The following GRIN2B variants were observed in gnomAD, a reference collection of about 807,000 sequenced individuals.
GRIN2B encodes the protein glutamate ionotropic receptor NMDA type subunit 2B, also known as glutamate receptor ionotropic, NMDA 2B.
A neutral mutation model predicts 114.5 loss-of-function variants in GRIN2B; 5 were observed. That is an observed-to-expected ratio of 0.04 (90% CI 0.02 to 0.09). GRIN2B has a LOEUF of 0.09. GRIN2B is among the 10% of genes least tolerant of loss of function. The pLI is 1.00. For missense variants in GRIN2B, 1,108 were observed against 1,943.5 expected (o/e 0.57, Z 8.08); for synonymous variants, 787 against 745.1 (o/e 1.06, Z -0.92).
intron 3 of GRIN2B, among the ~76,000 whole-genome samples, chr12:13,754,919 A>G (rs1298919014): frequency 6.6e-6 from 1 of 152,170 alleles, no homozygotes; most frequent in East Asian, 1.9e-4. Context: ...CTGTTCTGAG[A>G]TATCAAGTCC....
chr12:13,757,043 T>C (rs764476690), intron 3 of GRIN2B, among the ~76,000 whole-genome samples: 9 of 152,184 alleles, frequency 5.9e-5, no homozygotes, highest in Non-Finnish European at 1.2e-4. Context: ...TACCTTCTAG[T>C]TCTACTGTCC....
At chr12:13,667,843 A>C (rs1479271818) in intron 5 of GRIN2B, among the ~76,000 whole-genome samples, 1 of 152,192 alleles carries the variant, frequency 6.6e-6, no homozygotes, top group Non-Finnish European at 1.5e-5. Flanking sequence ...AGGTGCAGAT[A>C]TGGGTAAATT....
chr12:13,705,099 T>A (rs1361507026), intron 4 of GRIN2B, among the ~76,000 whole-genome samples: 1 of 152,128 alleles, frequency 6.6e-6, no homozygotes, highest in Non-Finnish European at 1.5e-5. Flanking sequence ...AATGATTTGC[T>A]GTGCATACTC....
chr12:13,564,073 C>G lies in GRIN2B; in HGVS notation c.3165G>C (p.Leu1055Phe), dbSNP rs771609944. The change falls in exon 14 of 14, where the codon TTG (leucine) becomes TTC (phenylalanine). Residue 1055 changes from leucine to phenylalanine, a missense_variant. Physicochemically the swap from Leu to Phe is conservative, Grantham distance 22 (BLOSUM62 0). Coordinates refer to ENST00000609686, the MANE Select transcript of GRIN2B (RefSeq NM_000834.5). This position sits in a 1 kb window ranked among gnomAD's most constrained non-coding sequence, Gnocchi z 4.8. ...KSDRYSGHDD[L>F]IRSDVSDIST... ...AGATGTCAGAGACATCGGAGCGGAT[C>G]AAGTCGTCGTGGCCACTGTAGCGGT... 4 of 1,614,200 alleles carry G rather than the reference C, an allele frequency of 2.5e-6. No individual in the cohort carries two copies. The highest frequency in any genetic ancestry group is 3.4e-6 in the Non-Finnish European group (4 of 1,180,032).
chr12:13,651,394 A>G (rs1240219634), intron 5 of GRIN2B, among the ~76,000 whole-genome samples: 1 of 152,108 alleles, frequency 6.6e-6, no homozygotes, highest in Non-Finnish European at 1.5e-5. Context: ...GAATCTAGAA[A>G]GAAGTTTAAT....
intron 2 of GRIN2B, among the ~76,000 whole-genome samples, chr12:13,887,955 G>A (rs549777946): frequency 3.3e-4 from 51 of 152,296 alleles, no homozygotes; most frequent in African/African-American, 1.2e-3. Flanking sequence ...CAGGACTGAC[G>A]CAGTGCACAG....
intron 2 of GRIN2B, among the ~76,000 whole-genome samples, chr12:13,876,649 C>G (rs1363016086): frequency 6.6e-6 from 1 of 152,210 alleles, no homozygotes; most frequent in Non-Finnish European, 1.5e-5. Context: ...TATCATATTA[C>G]TGACATCAGA....
At chr12:13,591,262 T>C (rs1179389145) in intron 10 of GRIN2B, among the ~76,000 whole-genome samples, 1 of 152,126 alleles carries the variant, frequency 6.6e-6, no homozygotes, top group African/African-American at 2.4e-5. Flanking sequence ...TTGGGTGTAT[T>C]TGTAGCAGTT....
At chr12:13,662,710 A>G (rs1949936403) in intron 5 of GRIN2B, among the ~76,000 whole-genome samples, 1 of 152,112 alleles carries the variant, frequency 6.6e-6, no homozygotes, top group Non-Finnish European at 1.5e-5. Context: ...CATAAACCCA[A>G]TCGGCCTCGT....
intron 4 of GRIN2B, among the ~76,000 whole-genome samples, chr12:13,742,088 A>G (rs1565520489): frequency 6.6e-6 from 1 of 152,200 alleles, no homozygotes; most frequent in Non-Finnish European, 1.5e-5. Flanking sequence ...TATACCTAAG[A>G]TAATCGATAT....
chr12:13,644,351 T>C (rs1949744427), intron 5 of GRIN2B, among the ~76,000 whole-genome samples: 1 of 152,116 alleles, frequency 6.6e-6, no homozygotes, highest in Admixed American at 6.6e-5. Context: ...TTTTGAACAG[T>C]AGGTCTCAAT....
chr12:13,930,656 T>G (rs1282039903), intron 2 of GRIN2B, among the ~76,000 whole-genome samples: 1 of 152,208 alleles, frequency 6.6e-6, no homozygotes, highest in African/African-American at 2.4e-5. Flanking sequence ...ATGAAGCAGG[T>G]AACCTGTTTA....
intron 3 of GRIN2B, among the ~76,000 whole-genome samples, chr12:13,807,901 G>C (rs1005145777): frequency 2.0e-5 from 3 of 151,918 alleles, no homozygotes; most frequent in Admixed American, 1.3e-4. Flanking sequence ...CTCCTCTGAA[G>C]GGAAGTTTAA....
chr12:13,565,876 GTTC>G (rs1350335315), intron 13 of GRIN2B, among the ~76,000 whole-genome samples: 1 of 152,176 alleles, frequency 6.6e-6, no homozygotes, highest in Non-Finnish European at 1.5e-5. Context: ...CACTTTCCCA[GTTC>G]TTCTAACCCT....
chr12:13,570,515 G>T (rs1480005844), intron 11 of GRIN2B, among the ~76,000 whole-genome samples: 10 of 152,078 alleles, frequency 6.6e-5, no homozygotes, highest in Admixed American at 3.9e-4. Flanking sequence ...GCAACACAAG[G>T]ATAGAGGTGA....
intron 4 of GRIN2B, among the ~76,000 whole-genome samples, chr12:13,685,120 GAAT>G (rs950662581): frequency 6.6e-6 from 1 of 152,178 alleles, no homozygotes. Flanking sequence ...CAACGGAAAA[GAAT>G]AAGAAGGCTT....
At chr12:13,619,675 A>G (rs981541637) in intron 5 of GRIN2B, among the ~76,000 whole-genome samples, 1 of 152,208 alleles carries the variant, frequency 6.6e-6, no homozygotes, top group Non-Finnish European at 1.5e-5. Context: ...ACCAGGTAGC[A>G]TTTGTTGAGG....
intron 5 of GRIN2B, chr12:13,634,331 A>C (rs868488851): frequency 2.6e-5 from 4 of 152,244 alleles, no homozygotes; most frequent in African/African-American, 9.6e-5. Context: ...AACTGCCATA[A>C]CAAATAGTCT....
chr12:13,572,329 T>TAA (rs1312637200), intron 10 of GRIN2B, among the ~76,000 whole-genome samples: 1 of 152,148 alleles, frequency 6.6e-6, no homozygotes, highest in African/African-American at 2.4e-5. Flanking sequence ...CCTTTCTTTC[T>TAA]AAAAAAATAT....
Sources: allele counts gnomAD v4.1 joint callset (sites outside exome capture counted in the v4.1 genomes callset), GRCh38; gene constraint gnomAD v4.1.1; non-coding constraint Gnocchi (gnomAD v3.1); transcripts MANE v1.5; gene names NCBI Gene and HGNC (gene_info 2026-07-23, HGNC 2026-07-21).